The following EFCAB5 variants were observed in gnomAD, a reference collection of about 807,000 sequenced individuals.
EFCAB5 encodes the protein EF-hand calcium-binding domain-containing protein 5.
In EFCAB5, 131 loss-of-function variants were observed where a neutral mutation model predicts 167.9. The observed-to-expected ratio is 0.78, with a 90% CI of 0.68 to 0.90. The LOEUF (loss-of-function observed/expected upper bound fraction) is 0.90, where lower values mean the gene tolerates loss of function less well. Among genes scored for constraint, EFCAB5 ranks in the 40% least tolerant of loss-of-function variants. The pLI, the probability that EFCAB5 is intolerant of heterozygous loss-of-function variation, is 0.00. For synonymous variants in EFCAB5, 574 were observed against 602.8 expected (o/e 0.95, Z 0.70); for missense variants, 1,663 against 1,745.2 (o/e 0.95, Z 0.84).
intron 3 of EFCAB5, among the ~76,000 whole-genome samples, chr17:29,965,994 A>C (rs2067819651): frequency 1.3e-5 from 2 of 152,180 alleles, no homozygotes; most frequent in African/African-American, 4.8e-5. Context: ...CCAAGGAAAT[A>C]AATTTACTTT....
intron 7 of EFCAB5, among the ~76,000 whole-genome samples, chr17:30,004,057 T>C (rs1367415122): frequency 6.6e-6 from 1 of 152,218 alleles, no homozygotes; most frequent in Non-Finnish European, 1.5e-5. Context: ...CAACAGGTTC[T>C]CACTTCACAG....
At chr17:30,001,737 A>G (rs1268826322) in intron 7 of EFCAB5, among the ~76,000 whole-genome samples, 3 of 152,270 alleles carry the variant, frequency 2.0e-5, no homozygotes, top group African/African-American at 7.2e-5. Flanking sequence ...TCCACAATTT[A>G]CCACCAATAA....
intron 19 of EFCAB5, among the ~76,000 whole-genome samples, chr17:30,087,598 A>G (rs1275092877): frequency 6.6e-5 from 10 of 152,130 alleles, no homozygotes; most frequent in African/African-American, 2.4e-4. Context: ...GGTTCCATCC[A>G]TGTCCCTGCA....
rs75412335 is a variant in EFCAB5 at position 29,993,066 on chromosome 17, A to T, written c.768-99A>T. On this transcript the variant is annotated intron_variant, in intron 4 of 22. Transcript: ENST00000394835. ...ATCAAAGATTTTATGGAGAAAAGACAGGCAAACATTTTCAAAGAGAGTCTG... is the reference window on the plus strand; with the variant it reads ...ATCAAAGATTTTATGGAGAAAAGACTGGCAAACATTTTCAAAGAGAGTCTG... The T allele has an allele frequency of 2.4e-3, 2,911 of 1,226,586 alleles. 50 individuals are homozygous for T. The African/African-American group carries it at 0.04, about 17-fold the overall frequency. 76.0% of individuals were successfully genotyped at this position (1,226,586 alleles called of 1,614,324 possible).
At chr17:29,944,138 C>T (rs181181792) in intron 3 of EFCAB5, among the ~76,000 whole-genome samples, 15 of 152,224 alleles carry the variant, frequency 9.9e-5, no homozygotes, top group East Asian at 1.9e-4. Flanking sequence ...TTCAGTGACA[C>T]GGTCATAGTT....
rs999057700 is a variant in EFCAB5 at position 30,094,519 on chromosome 17, A to T, written c.4321+1583A>T. ...AATCTTGTCTCTCCAAAAAAAAAAAAAAAAAAAAAAAAAAATAACTGGGTG... is the reference window on the plus strand; with the variant it reads ...AATCTTGTCTCTCCAAAAAAAAAAATAAAAAAAAAAAAAAATAACTGGGTG... On this transcript the variant is annotated intron_variant, in intron 22 of 22. Coordinates refer to ENST00000394835, the MANE Select transcript of EFCAB5 (RefSeq NM_198529.4). Among the ~76,000 whole-genome samples, 151 of 149,428 alleles carry T rather than the reference A, an allele frequency of 1.0e-3. 1 individual carries two copies. The highest frequency in any genetic ancestry group is 3.3e-3 in the African/African-American group (131 of 40,190).
Position 30,041,988 on chromosome 17 carries a change from A to G in EFCAB5, c.1200+7603A>G, listed in dbSNP as rs553938764. On this transcript the variant is annotated intron_variant, in intron 8 of 22. Transcript: ENST00000394835. ...CAGTTTAAGCTATTGAGCACTTAAT[A>G]GACTACAGTATAGTATAAACATAAC... 4.6e-5 allele frequency among the ~76,000 whole-genome samples: 7 copies of G among 152,236 alleles called. No homozygotes were observed. In the East Asian group the frequency reaches 1.3e-3, roughly 29 times the overall value.
At chr17:30,071,277 T>C (rs985850419) in intron 14 of EFCAB5, among the ~76,000 whole-genome samples, 1 of 103,456 alleles carries the variant, frequency 9.7e-6, no homozygotes, top group Non-Finnish European at 2.0e-5. Flanking sequence ...TATAAGGAAC[T>C]CAAACAAAGC....
At chr17:30,104,615 A>G (rs1393391707) in intron 22 of EFCAB5, among the ~76,000 whole-genome samples, 2 of 152,136 alleles carry the variant, frequency 1.3e-5, no homozygotes, top group East Asian at 1.9e-4. Flanking sequence ...AAAAATTGCA[A>G]AGTCTGTGTG....
chr17:30,053,780 G>A lies in EFCAB5; in HGVS notation c.1826G>A (p.Arg609His), dbSNP rs1376803775. ...GAGTCAGTTGCAGAACAAGGGTCAC[G>A]CAGAGAGTCTATTGCAGAACAAGAT... ...SRESVAEQGSRRESIAEQDRH... is the reference protein window; with the variant it reads ...SRESVAEQGSHRESIAEQDRH... Residue 609 changes from arginine to histidine, a missense_variant, in exon 10 of 23, where the codon CGC becomes CAC. Transcript: ENST00000394835. The A allele has an allele frequency of 6.2e-6, 10 of 1,613,730 alleles. No homozygotes were observed. Among genetic ancestry groups the A allele is most frequent in the South Asian group, 3.3e-5 (3 of 91,086 alleles).
chr17:30,022,453 A>G lies in EFCAB5; in HGVS notation c.1045-11777A>G, dbSNP rs114948023. Among the ~76,000 whole-genome samples the G allele has an allele frequency of 6.4e-3, 978 of 152,260 alleles. 9 individuals carry two copies. The highest frequency in any genetic ancestry group is 0.022 in the African/African-American group (935 of 41,558). On this transcript the variant is annotated intron_variant, in intron 7 of 22. Coordinates refer to ENST00000394835, the MANE Select transcript of EFCAB5 (RefSeq NM_198529.4). ...TGCACACAAACACACACATATAATT[A>G]CAAAGCAATGAACAGACGGCAATGA...
intron 14 of EFCAB5, among the ~76,000 whole-genome samples, chr17:30,077,488 G>A (rs569060308): frequency 1.3e-5 from 2 of 152,264 alleles, no homozygotes; most frequent in Admixed American, 6.5e-5. Context: ...ATATCAGTGG[G>A]AAGTGTGGGG....
intron 3 of EFCAB5, among the ~76,000 whole-genome samples, chr17:29,955,220 A>T (rs970608990): frequency 2.0e-5 from 3 of 152,056 alleles, no homozygotes; most frequent in Non-Finnish European, 2.9e-5. Context: ...GGAACATGAG[A>T]TTTGGGAGGG....
chr17:29,940,467 G>A (rs914830235), upstream of EFCAB5, among the ~76,000 whole-genome samples: 2 of 152,144 alleles, frequency 1.3e-5, no homozygotes, highest in Non-Finnish European at 2.9e-5. Flanking sequence ...AAGTCTTATT[G>A]AGTTGAATTT....
intron 7 of EFCAB5, among the ~76,000 whole-genome samples, chr17:30,005,764 C>T (rs2068761141): frequency 6.6e-6 from 1 of 152,130 alleles, no homozygotes; most frequent in Non-Finnish European, 1.5e-5. Context: ...GATCCTAAAA[C>T]TGACAAAACA....
chr17:30,043,418 A>G (rs1249008464), intron 8 of EFCAB5, among the ~76,000 whole-genome samples: 2 of 152,168 alleles, frequency 1.3e-5, no homozygotes, highest in East Asian at 3.8e-4. Flanking sequence ...GCAAGGAAAA[A>G]AAAAAGAAAA....
intron 4 of EFCAB5, among the ~76,000 whole-genome samples, chr17:29,979,073 T>TG (rs1400550112): frequency 6.6e-6 from 1 of 152,076 alleles, no homozygotes; most frequent in African/African-American, 2.4e-5. Flanking sequence ...AAATCCTGGC[T>TG]GGGCACGGTG....
chr17:30,045,144 A>C (rs1269306004), intron 8 of EFCAB5, among the ~76,000 whole-genome samples: 1 of 152,114 alleles, frequency 6.6e-6, no homozygotes. Context: ...TGGGACCATG[A>C]GTGAGGGGAC....
chr17:30,075,865 A>G (rs1238698809), intron 14 of EFCAB5, among the ~76,000 whole-genome samples: 1 of 152,244 alleles, frequency 6.6e-6, no homozygotes, highest in Non-Finnish European at 1.5e-5. Flanking sequence ...TTTAGGATCA[A>G]ATTGTTCAAG....
Sources: gnomAD v4.1 joint callset for allele counts (sites outside exome capture counted in the v4.1 genomes callset) on GRCh38, gnomAD v4.1.1 for gene constraint, MANE v1.5 for transcripts, NCBI Gene and HGNC (gene_info 2026-07-23, HGNC 2026-07-21) for gene names.